The following ADD3 variants were observed in gnomAD, a reference collection of about 807,000 sequenced individuals.
ADD3 encodes the protein adducin 3.
In ADD3, 25 loss-of-function variants were observed where a neutral mutation model predicts 80.2. The observed-to-expected ratio is 0.31, with a 90% CI of 0.23 to 0.44. ADD3 has a LOEUF of 0.44. ADD3 is among the 20% of genes least tolerant of loss of function. ADD3 has a pLI of 1.00. For missense variants in ADD3, 829 were observed against 847.5 expected, an observed-to-expected ratio of 0.98 and a Z score of 0.27; for synonymous variants, 284 against 289.6, an observed-to-expected ratio of 0.98 and a Z score of 0.20.
intron 1 of ADD3, among the ~76,000 whole-genome samples, chr10:110,009,786 T>C (rs181538883): frequency 1.1e-3 from 175 of 152,306 alleles, no homozygotes; most frequent in African/African-American, 4.0e-3. Context: ...TTGGTAATAG[T>C]TTTTAAAGAA....
chr10:110,063,091 C>T (rs1394559940), intron 1 of ADD3, among the ~76,000 whole-genome samples: 1 of 152,062 alleles, frequency 6.6e-6, no homozygotes, highest in African/African-American at 2.4e-5. Flanking sequence ...CGAACAATGT[C>T]TTCATTTTTT....
intron 11 of ADD3, 65 bp downstream of exon 11, chr10:110,126,010 G>T (rs1852099935): frequency 4.8e-6 from 7 of 1,471,282 alleles, no homozygotes; most frequent in Non-Finnish European, 6.5e-6. Context: ...ATCACCAGTG[G>T]TTGAATCTGG....
intron 12 of ADD3, among the ~76,000 whole-genome samples, chr10:110,126,726 G>T (rs1007875101): frequency 6.6e-6 from 1 of 152,142 alleles, no homozygotes; most frequent in Non-Finnish European, 1.5e-5. Flanking sequence ...TGGTTAGTTA[G>T]TTGAGATGAG....
intron 1 of ADD3, among the ~76,000 whole-genome samples, chr10:110,010,255 G>A (rs12571549): frequency 0.16 from 24,936 of 152,200 alleles, 2,429 homozygotes; most frequent in East Asian, 0.4. Flanking sequence ...GGCCTATCAT[G>A]TCTGAGTGCT....
At chr10:110,022,647 A>G (rs550580447) in intron 1 of ADD3, among the ~76,000 whole-genome samples, 48 of 152,362 alleles carry the variant, frequency 3.2e-4, no homozygotes, top group Admixed American at 5.2e-4. Flanking sequence ...TGAACCAGAC[A>G]AAAACCTTAG....
At chr10:110,066,900 T>A (rs1312888469) in intron 1 of ADD3, among the ~76,000 whole-genome samples, 1 of 152,214 alleles carries the variant, frequency 6.6e-6, no homozygotes, top group Non-Finnish European at 1.5e-5. Context: ...GAGAGAGGTT[T>A]GTATATTTAG....
At chr10:110,121,165 T>TA (rs1484610832) in intron 8 of ADD3, among the ~76,000 whole-genome samples, 2 of 151,996 alleles carry the variant, frequency 1.3e-5, no homozygotes, top group Admixed American at 6.6e-5. Flanking sequence ...CTAATTAAAC[T>TA]AAAGGCCCTA....
At chr10:110,063,500 G>A (rs928621739) in intron 1 of ADD3, among the ~76,000 whole-genome samples, 4 of 151,572 alleles carry the variant, frequency 2.6e-5, no homozygotes, top group Non-Finnish European at 4.4e-5. Flanking sequence ...AATTGGATAC[G>A]AAAATGCTTT....
intron 1 of ADD3, among the ~76,000 whole-genome samples, chr10:110,065,550 T>TTTTTTTTTTTTTTTTTTTTTTTC (rs1843836941): frequency 9.2e-6 from 1 of 108,586 alleles, no homozygotes; most frequent in Non-Finnish European, 2.1e-5. Context: ...TTTTTTTTTT[T>TTTTTTTTTTTTTTTTTTTTTTTC]TTTTTTTGAG....
chr10:110,124,069 G>T lies in ADD3; in HGVS notation c.1196G>T (p.Arg399Met), dbSNP rs1432735655. 1 of 1,614,158 alleles carries T rather than the reference G, an allele frequency of 6.2e-7. No homozygotes were observed. Among genetic ancestry groups the T allele is most frequent in the Admixed American group, 1.7e-5 (1 of 60,024 alleles). ...YRHPLIREKP[R>M]HKSDVEIPAT... Reference sequence around the variant, plus strand: ...CATCCTCTCATTCGAGAGAAGCCTAGGCACAAGAGTGATGTGGAAATCCCA... The same window carrying T: ...CATCCTCTCATTCGAGAGAAGCCTATGCACAAGAGTGATGTGGAAATCCCA... The change falls in exon 10 of 15, where the codon AGG (arginine) becomes ATG (methionine). Residue 399 changes from arginine to methionine, a missense_variant. Transcript: ENST00000356080.
intron 9 of ADD3, among the ~76,000 whole-genome samples, chr10:110,123,030 T>A (rs1370835149): frequency 2.6e-5 from 4 of 152,204 alleles, no homozygotes; most frequent in African/African-American, 4.8e-5. Flanking sequence ...TCTAGGTTCA[T>A]CCATGTTGTC....
At chr10:110,002,523 C>A (rs1045356922), upstream of ADD3, among the ~76,000 whole-genome samples, 1 of 151,966 alleles carries the variant, frequency 6.6e-6, no homozygotes, top group Non-Finnish European at 1.5e-5. Flanking sequence ...ATCTGCCTAC[C>A]TCGGCCTCCC....
At chr10:110,013,277 A>G (rs1852543991) in intron 1 of ADD3, among the ~76,000 whole-genome samples, 1 of 151,206 alleles carries the variant, frequency 6.6e-6, no homozygotes. Context: ...TCATTTTTGT[A>G]TTTTTAGTAG....
At chr10:110,043,629 A>G (rs1480220697) in intron 1 of ADD3, among the ~76,000 whole-genome samples, 1 of 152,200 alleles carries the variant, frequency 6.6e-6, no homozygotes, top group Non-Finnish European at 1.5e-5. Flanking sequence ...TGTAAAAGCT[A>G]TGTTAGTCTC....
chr10:110,052,189 T>C (rs1857592293), intron 1 of ADD3, among the ~76,000 whole-genome samples: 1 of 152,248 alleles, frequency 6.6e-6, no homozygotes, highest in South Asian at 2.1e-4. Flanking sequence ...TTTTCTTTTA[T>C]AGAGGGATCT....
intron 1 of ADD3, among the ~76,000 whole-genome samples, chr10:110,090,110 T>C (rs772804085): frequency 2.0e-4 from 30 of 150,936 alleles, no homozygotes; most frequent in Non-Finnish European, 4.0e-4. Flanking sequence ...TCCTTCGTCG[T>C]TAGTGACACA....
intron 1 of ADD3, among the ~76,000 whole-genome samples, chr10:110,082,077 G>A (rs1461289576): frequency 6.6e-6 from 1 of 152,124 alleles, no homozygotes; most frequent in African/African-American, 2.4e-5. Context: ...ATTTGGCTAG[G>A]GTCCTGTGAC....
chr10:110,112,961 C>A, intron 3 of ADD3, 46 bp downstream of exon 3: 1 of 1,583,770 alleles, frequency 6.3e-7, no homozygotes. Context: ...TTTACTTCCA[C>A]TTTGGACCAC....
chr10:110,048,175 C>T (rs1857107836), intron 1 of ADD3, among the ~76,000 whole-genome samples: 3 of 152,168 alleles, frequency 2.0e-5, no homozygotes, highest in Admixed American at 2.0e-4. Context: ...TCTCTCTTGT[C>T]TGCCACCATG....
Sources: allele counts gnomAD v4.1 joint callset (sites outside exome capture counted in the v4.1 genomes callset), GRCh38; gene constraint gnomAD v4.1.1; transcripts MANE v1.5; gene names NCBI Gene and HGNC (gene_info 2026-07-23, HGNC 2026-07-21).